The following HMX1 variants were observed in gnomAD, a reference collection of about 807,000 sequenced individuals.
HMX1 encodes homeobox protein HMX1.
A neutral mutation model predicts 8.9 loss-of-function variants in HMX1; 8 were observed. That is an observed-to-expected ratio of 0.90 (90% CI 0.53 to 1.63). The LOEUF (loss-of-function observed/expected upper bound fraction) is 1.63, where lower values mean the gene tolerates loss of function less well. Among genes scored for constraint, HMX1 ranks in the 40% most tolerant of loss-of-function variants. The probability of loss-of-function intolerance (pLI) is 0.00; values close to 1 mark genes in which losing one functional copy is unlikely to be tolerated. For missense variants in HMX1, 621 were observed against 558.5 expected, an observed-to-expected ratio of 1.11 and a Z score of -1.13; for synonymous variants, 311 against 283.4, an observed-to-expected ratio of 1.10 and a Z score of -0.98.
At chr4:8,859,979 TGGTGGGA>T (rs912129958) in intron 1 of HMX1, among the ~76,000 whole-genome samples, 12 of 152,332 alleles carry the variant, frequency 7.9e-5, no homozygotes, top group African/African-American at 2.6e-4. Context: ...CAACTGCCCG[TGGTGGGA>T]GTGGAGGGCT....
chr4:8,871,407 G>T lies in HMX1; in HGVS notation c.208C>A (p.Gln70Lys). 7.8e-7 allele frequency: 1 copy of T among 1,275,440 alleles called. No homozygotes were observed. 79.0% of individuals were successfully genotyped at this position (1,275,440 alleles called of 1,614,324 possible). A position where few individuals can be genotyped will look rare whatever the true frequency, so the allele number is the denominator to read the frequency against. Residue 70 changes from glutamine to lysine, a missense_variant, in exon 1 of 2, where the codon CAG (glutamine) becomes AAG (lysine). Physicochemically the swap from Gln to Lys is moderately conservative, Grantham distance 53. Coordinates refer to ENST00000400677, the MANE Select transcript of HMX1 (RefSeq NM_018942.3). The surrounding 1 kb of genome is among the most constrained non-coding windows in gnomAD (Gnocchi z 4.8). ...ARRRRLQRRR[Q>K]LLAGTGPGGE... ...CCGGGCCCGGTGCCCGCGAGCAACT[G>T]TCGCCGCCGCTGTAGCCGTCGCCGC...
At chr4:8,856,896 C>T (rs750472266) in intron 1 of HMX1, among the ~76,000 whole-genome samples, 34 of 152,180 alleles carry the variant, frequency 2.2e-4, no homozygotes, top group Admixed American at 7.9e-4. Context: ...CACGACGAGC[C>T]TGGGCAACAT....
downstream of HMX1, among the ~76,000 whole-genome samples, chr4:8,863,008 G>T (rs1037997320): frequency 3.3e-4 from 50 of 151,870 alleles, no homozygotes; most frequent in African/African-American, 1.2e-3. Context: ...TGGGGACCTG[G>T]GGATCGGCGA....
At chr4:8,856,565 C>G (rs1721614203) in intron 1 of HMX1, among the ~76,000 whole-genome samples, 1 of 152,076 alleles carries the variant, frequency 6.6e-6, no homozygotes, top group African/African-American at 2.4e-5. Context: ...ATTTTTCTTT[C>G]TTAAAAAAAT....
downstream of HMX1, among the ~76,000 whole-genome samples, chr4:8,863,330 G>C (rs983580859): frequency 6.6e-6 from 1 of 152,206 alleles, no homozygotes; most frequent in Non-Finnish European, 1.5e-5. Flanking sequence ...AAAGACTCTT[G>C]GGGGAGAGGC....
In HMX1 at chr4:8,848,931, AGGT is replaced by A. The variant is rs1721354483; in HGVS notation, c.395-2610_395-2608del. Among the ~76,000 whole-genome samples, 1 of 152,166 alleles carries A rather than the reference AGGT, an allele frequency of 6.6e-6. No individual in the cohort carries two copies. Among genetic ancestry groups the A allele is most frequent in the Non-Finnish European group, 1.5e-5 (1 of 68,034 alleles). On this transcript the variant is annotated intron_variant, in intron 1 of 1. Coordinates refer to the HMX1 transcript ENST00000506970. This position sits in a 1 kb window ranked among gnomAD's most constrained non-coding sequence, Gnocchi z 4.1. ...AGAGAAAAATGTTCCCTCTGTGAAAAGGTGGGCTGTATCCAGCAGAGGGTAACC... is the reference window on the plus strand; with the variant it reads ...AGAGAAAAATGTTCCCTCTGTGAAAAGGGCTGTATCCAGCAGAGGGTAACC...
At chr4:8,854,589 G>A (rs548353953) in intron 1 of HMX1, among the ~76,000 whole-genome samples, 1 of 152,304 alleles carries the variant, frequency 6.6e-6, no homozygotes, top group Non-Finnish European at 1.5e-5. Context: ...TGCCACATCG[G>A]CTCTTGCCTG....
rs1469126365 is a variant in HMX1, at chr4:8,848,439, C to T, written c.395-2115G>A. Among the ~76,000 whole-genome samples, 1 of 152,160 alleles carries T rather than the reference C, an allele frequency of 6.6e-6. No individual in the cohort carries two copies. Among genetic ancestry groups the T allele is most frequent in the Non-Finnish European group, 1.5e-5 (1 of 68,038 alleles). On this transcript the variant is annotated intron_variant, in intron 1 of 1. Transcript: ENST00000506970. This position sits in a 1 kb window ranked among gnomAD's most constrained non-coding sequence, Gnocchi z 4.1. ...TGATAAAATGGAAATAAAGAGTTTG[C>T]GGAAATTTTATGATTGTTTTTTACT... is the stretch of plus-strand genomic sequence containing the variant.
Position 8,868,036 on chromosome 4 carries a change from C to A in HMX1, c.704G>T (p.Gly235Val). The stretch of plus-strand genomic sequence containing the variant: ...GGTGAGCTGCAGGGAGGCGGCCAGG[C>A]CGGCGCGCTCGGCGCTGCTCAGGTA... ...KRYLSSAERAGLAASLQLTET... is the reference protein window; with the variant it reads ...KRYLSSAERAVLAASLQLTET... The change falls in exon 2 of 2, where the codon GGC becomes GTC. Residue 235 changes from glycine to valine, a missense_variant. Physicochemically the swap from Gly to Val is moderately radical, Grantham distance 109. Coordinates refer to ENST00000400677, the MANE Select transcript of HMX1 (RefSeq NM_018942.3). This position sits in a 1 kb window ranked among gnomAD's most constrained non-coding sequence, Gnocchi z 4.6. 6.5e-7 allele frequency: 1 copy of A among 1,536,304 alleles called. No individual in the cohort carries two copies. Among genetic ancestry groups the A allele is most frequent in the Non-Finnish European group, 8.7e-7 (1 of 1,143,316 alleles).
intron 1 of HMX1, among the ~76,000 whole-genome samples, chr4:8,861,031 A>C (rs1367362002): frequency 1.3e-5 from 2 of 149,444 alleles, no homozygotes; most frequent in Non-Finnish European, 3.0e-5. Context: ...GAGGGCCGCG[A>C]GCTGGGAAGG....
In HMX1 at chr4:8,870,983, A is replaced by C. The variant is rs527480147; in HGVS notation, c.394+238T>G. On this transcript the variant is annotated intron_variant, in intron 1 of 1. Transcript: ENST00000400677. This position sits in a 1 kb window ranked among gnomAD's most constrained non-coding sequence, Gnocchi z 4.4. ...TCCCTGGGACCGGAGGAGCCCGGCA[A>C]TGGGTGAAGCTATGGCCTGCAAAAC... 1.3e-5 allele frequency among the ~76,000 whole-genome samples: 2 copies of C among 151,678 alleles called. No homozygotes were observed. Among genetic ancestry groups the C allele is most frequent in the Admixed American group, 1.3e-4 (2 of 15,266 alleles).
rs747206316 is a variant in HMX1 at position 8,853,328 on chromosome 4, T to C, written c.395-7004A>G. On this transcript the variant is annotated intron_variant, in intron 1 of 1. Coordinates refer to the HMX1 transcript ENST00000506970. This position sits in a 1 kb window ranked among gnomAD's most constrained non-coding sequence, Gnocchi z 4.7. ...CTGCTTTGCTGTAACTAAATTGTCC[T>C]CACCTGACCATCACAGCCCCATTCC... is the stretch of plus-strand genomic sequence containing the variant. Among the ~76,000 whole-genome samples, 1 of 152,182 alleles carries C rather than the reference T, an allele frequency of 6.6e-6. No homozygotes were observed. The highest frequency in any genetic ancestry group is 1.5e-5 in the Non-Finnish European group (1 of 68,040).
intron 1 of HMX1, among the ~76,000 whole-genome samples, chr4:8,854,511 C>A (rs1345312369): frequency 1.3e-5 from 2 of 152,238 alleles, no homozygotes; most frequent in Non-Finnish European, 2.9e-5. Flanking sequence ...CAGGAATTCC[C>A]TTCCAGGCTG....
chr4:8,867,654 G>A lies in HMX1; in HGVS notation c.*39C>T. On this transcript the variant is annotated 3_prime_UTR_variant, in exon 2 of 2. Coordinates refer to ENST00000400677, the MANE Select transcript of HMX1 (RefSeq NM_018942.3). The stretch of plus-strand genomic sequence containing the variant: ...GCCGCTGAATCGCGCGTCCACACAG[G>A]TCCACAGGGTCGTGGGGAGAGGGCC... The A allele has an allele frequency of 8.2e-7, 1 of 1,226,374 alleles. No homozygotes were observed. The highest frequency in any genetic ancestry group is 1.0e-6 in the Non-Finnish European group (1 of 983,578). The allele number at this position is 1,226,374 out of a possible 1,614,324, so 76.0% of individuals were successfully genotyped here.
Position 8,868,682 on chromosome 4 carries a change from C to T in HMX1, c.395-337G>A, listed in dbSNP as rs1722112938. 1.3e-5 allele frequency among the ~76,000 whole-genome samples: 2 copies of T among 152,178 alleles called. No homozygotes were observed. Among genetic ancestry groups the T allele is most frequent in the Non-Finnish European group, 2.9e-5 (2 of 68,038 alleles). On this transcript the variant is annotated intron_variant, in intron 1 of 1. Transcript: ENST00000400677. The surrounding 1 kb of genome is among the most constrained non-coding windows in gnomAD (Gnocchi z 4.6). ...CTACACAAGAAAAGCAGGCTGACCC[C>T]AGTGAGCACTCCCCACTCCCAGCTG... is the stretch of plus-strand genomic sequence containing the variant.
chr4:8,849,060 T>C lies in HMX1; in HGVS notation c.395-2736A>G, dbSNP rs966964384. Among the ~76,000 whole-genome samples, 1 of 152,088 alleles carries C rather than the reference T, an allele frequency of 6.6e-6. No individual in the cohort carries two copies. Among genetic ancestry groups the C allele is most frequent in the African/African-American group, 2.4e-5 (1 of 41,450 alleles). ...CTGAGGGGGGTGGGCCTCCTCCCCC[T>C]GCCCGCTGCTCCATCGTGGACGTCT... is the stretch of plus-strand genomic sequence containing the variant. On this transcript the variant is annotated intron_variant, in intron 1 of 1. Coordinates refer to the HMX1 transcript ENST00000506970. This position sits in a 1 kb window ranked among gnomAD's most constrained non-coding sequence, Gnocchi z 6.6.
At chr4:8,850,960 G>A (rs1040063213) in intron 1 of HMX1, among the ~76,000 whole-genome samples, 2 of 152,258 alleles carry the variant, frequency 1.3e-5, no homozygotes, top group East Asian at 3.9e-4. Flanking sequence ...GCCGGACTGG[G>A]CTCCCCCAGG....
Position 8,868,342 on chromosome 4 carries a change from C to G in HMX1, c.398G>C (p.Ser133Thr), listed in dbSNP as rs746973290. 1.5e-3 allele frequency: 2,081 copies of G among 1,382,220 alleles called. 4 individuals carry two copies. Among genetic ancestry groups the G allele is most frequent in the Non-Finnish European group, 1.7e-3 (1,783 of 1,077,238 alleles). 85.6% of individuals were successfully genotyped at this position (1,382,220 alleles called of 1,614,324 possible). A position where few individuals can be genotyped will look rare whatever the true frequency, so the allele number is the denominator to read the frequency against. The change falls in exon 2 of 2, where the codon AGC (serine) becomes ACC (threonine). Residue 133 changes from serine to threonine, a missense_variant. Transcript: ENST00000400677. The surrounding 1 kb of genome is among the most constrained non-coding windows in gnomAD (Gnocchi z 4.6). ...GYGGGLSPDT[S>T]DRDSPETGEE... ...GCCCGTCTCCGGTGAGTCCCGGTCG[C>G]TGGCTGCAGGGGAGAGAGGGCACCA... is the stretch of plus-strand genomic sequence containing the variant.
At chr4:8,862,252 GTGCAAGCTGGAC>G (rs572604455), downstream of HMX1, among the ~76,000 whole-genome samples, 1 of 152,348 alleles carries the variant, frequency 6.6e-6, no homozygotes, top group African/African-American at 2.4e-5. Flanking sequence ...TAAAAGCAGA[GTGCAAGCTGGAC>G]CAAAGTGAGA....
Sources: allele counts gnomAD v4.1 joint callset (sites outside exome capture counted in the v4.1 genomes callset), GRCh38; gene constraint gnomAD v4.1.1; non-coding constraint Gnocchi (gnomAD v3.1); transcripts MANE v1.5; gene names NCBI Gene and HGNC (gene_info 2026-07-23, HGNC 2026-07-21).